Variants in XPO6 observed in about 807,000 individuals in gnomAD.
The protein encoded by XPO6 is exportin 6.
In XPO6, 3 loss-of-function variants were observed where a neutral mutation model predicts 130.0. The ratio of observed to expected loss-of-function variants is 0.02; its 90% CI spans 0.01 to 0.06. The LOEUF (loss-of-function observed/expected upper bound fraction) is 0.06. XPO6 is among the 10% of genes least tolerant of loss of function. XPO6 has a pLI of 1.00. For synonymous variants in XPO6, 524 were observed against 548.9 expected (o/e 0.95, Z 0.63); for missense variants, 970 against 1,393.0 (o/e 0.70, Z 4.83).
intron 21 of XPO6, among the ~76,000 whole-genome samples, chr16:28,103,647 C>CAGACTTCCAGGCA (rs1300471274): frequency 2.0e-5 from 3 of 152,158 alleles, no homozygotes; most frequent in Non-Finnish European, 4.4e-5. Flanking sequence ...CAGGCAAGGA[C>CAGACTTCCAGGCA]AGGGTTCAAG....
At position 28,104,725 on chromosome 16, in the gene XPO6, C is replaced by T. The variant is rs372428848; in HGVS notation, c.2785-18G>A. 3.7e-5 allele frequency: 60 copies of T among 1,612,886 alleles called. No individual in the cohort carries two copies. The highest frequency in any genetic ancestry group is 5.3e-5 in the African/African-American group (4 of 74,946). ...GAGGGACGCTGCAAAGACACACAGA[C>T]GCTCAGACCTGCAGCTTGCGGAGCT... On this transcript the variant is annotated intron_variant, in intron 20 of 23. Coordinates refer to ENST00000304658, the MANE Select transcript of XPO6 (RefSeq NM_015171.4).
intron 20 of XPO6, 71 bp downstream of exon 20, chr16:28,105,972 T>C: frequency 1.9e-6 from 3 of 1,564,576 alleles, no homozygotes; most frequent in Admixed American, 1.9e-5. Context: ...CAATACATTT[T>C]CTGTGAAATC....
At position 28,133,948 on chromosome 16, in the gene XPO6, CAGG is replaced by C; in HGVS notation, c.1444-18_1444-16del. ...TCCGTCTGCTGCTGTAGGGGAAGCA[CAGG>C]AGAATCAGCTCTCCCAGAATCCTCT... On this transcript the variant is annotated splice_polypyrimidine_tract_variant and intron_variant, in intron 10 of 23. Coordinates refer to ENST00000304658, the MANE Select transcript of XPO6 (RefSeq NM_015171.4). 3.1e-6 allele frequency: 5 copies of C among 1,613,334 alleles called. No homozygotes were observed. The highest frequency in any genetic ancestry group is 4.2e-6 in the Non-Finnish European group (5 of 1,179,606).
At chr16:28,135,127 G>T in intron 10 of XPO6, 89 bp downstream of exon 10, 2 of 1,055,924 alleles carry the variant, frequency 1.9e-6, no homozygotes, top group Non-Finnish European at 2.8e-6. Flanking sequence ...AACAGTCTTC[G>T]GAGCAGAGGG....
chr16:28,120,189 C>A (rs188192), intron 14 of XPO6, among the ~76,000 whole-genome samples: 44,665 of 150,448 alleles, frequency 0.3, 6,782 homozygotes, highest in African/African-American at 0.36. Context: ...TAATAATAAT[C>A]ATCATCATCA....
At chr16:28,109,388 C>T (rs1407662594) in intron 17 of XPO6, among the ~76,000 whole-genome samples, 3 of 151,190 alleles carry the variant, frequency 2.0e-5, no homozygotes, top group African/African-American at 7.3e-5. Flanking sequence ...AGACCCAAGT[C>T]CAACTCTTGA....
intron 21 of XPO6, among the ~76,000 whole-genome samples, 198 bp from the exon 22 acceptor site, chr16:28,102,143 G>A (rs1271043384): frequency 6.6e-6 from 1 of 152,024 alleles, no homozygotes; most frequent in Non-Finnish European, 1.5e-5. Flanking sequence ...TCTTATTATG[G>A]TCTCATATAT....
At chr16:28,209,771 T>C (rs2141923337) in intron 1 of XPO6, among the ~76,000 whole-genome samples, 1 of 152,282 alleles carries the variant, frequency 6.6e-6, no homozygotes, top group African/African-American at 2.4e-5. Flanking sequence ...TCCCCAAATT[T>C]CATAGTTGAG....
intron 6 of XPO6, among the ~76,000 whole-genome samples, chr16:28,158,354 CA>C (rs2141829977): frequency 6.6e-6 from 1 of 152,320 alleles, no homozygotes; most frequent in South Asian, 2.1e-4. Flanking sequence ...GGCTACATCA[CA>C]TGGGATATTG....
chr16:28,108,855 C>A (rs28491452), intron 17 of XPO6, among the ~76,000 whole-genome samples: 151,729 of 152,342 alleles, frequency 1, 75,567 homozygotes, highest in Middle Eastern at 1. Flanking sequence ...CTCATCTGAA[C>A]ACGTGGATAG....
rs116909884 is a variant in XPO6 at position 28,184,819 on chromosome 16, C to T, written c.4-3788G>A. 7.7e-3 allele frequency among the ~76,000 whole-genome samples: 1,174 copies of T among 152,306 alleles called. 11 individuals are homozygous for T. The highest frequency in any genetic ancestry group is 0.013 in the Non-Finnish European group (856 of 68,032). ...TGATGAGGAGGCTGAGCAACCAGCA[C>T]ATGCATGTACTGCTGGTGGGAGTAT... On this transcript the variant is annotated intron_variant, in intron 1 of 23. Transcript: ENST00000304658.
At chr16:28,144,337 A>G (rs1454777151) in intron 9 of XPO6, among the ~76,000 whole-genome samples, 3 of 152,198 alleles carry the variant, frequency 2.0e-5, no homozygotes, top group Admixed American at 6.5e-5. Flanking sequence ...AAAATTCTCA[A>G]CAGAATATTT....
At chr16:28,114,111 G>C (rs1596799502) in intron 15 of XPO6, among the ~76,000 whole-genome samples, 1 of 146,460 alleles carries the variant, frequency 6.8e-6, no homozygotes, top group African/African-American at 2.5e-5. Context: ...CCACTTCCAG[G>C]AATCTATCCT....
In XPO6 at chr16:28,117,723, T is replaced by A. The variant is rs531372912; in HGVS notation, c.1860-261A>T. On this transcript the variant is annotated intron_variant, in intron 14 of 23. Coordinates refer to ENST00000304658, the MANE Select transcript of XPO6 (RefSeq NM_015171.4). Reference sequence around the variant, plus strand: ...TCTTATTCAATCTTTCTGTGACACATGCTCACCTAAGAGAAAGGTAAATTA... The same window carrying A: ...TCTTATTCAATCTTTCTGTGACACAAGCTCACCTAAGAGAAAGGTAAATTA... Among the ~76,000 whole-genome samples the A allele has an allele frequency of 3.3e-5, 5 of 152,360 alleles. No individual in the cohort carries two copies. In the South Asian group the frequency reaches 1.0e-3, roughly 32 times the overall value.
chr16:28,204,504 G>T (rs1052536815), intron 1 of XPO6, among the ~76,000 whole-genome samples: 1 of 152,040 alleles, frequency 6.6e-6, no homozygotes. Context: ...GAAGACCGAG[G>T]GAGCTGCAGC....
chr16:28,189,529 C>G (rs2043752305), intron 1 of XPO6, among the ~76,000 whole-genome samples: 1 of 151,942 alleles, frequency 6.6e-6, no homozygotes. Flanking sequence ...GAGGGAAGAC[C>G]GAGGTACAAA....
chr16:28,206,091 T>TG (rs1463800744), intron 1 of XPO6, among the ~76,000 whole-genome samples: 1 of 134,706 alleles, frequency 7.4e-6, no homozygotes, highest in Non-Finnish European at 1.6e-5. Flanking sequence ...GGACAGTAAA[T>TG]GGGTTCATAG....
At position 28,101,520 on chromosome 16, in the gene XPO6, TG is replaced by T; in HGVS notation, c.3213del (p.Ser1072AlafsTer52). 6.2e-7 allele frequency: 1 copy of T among 1,614,198 alleles called. No individual in the cohort carries two copies. Among genetic ancestry groups the T allele is most frequent in the Non-Finnish European group, 8.5e-7 (1 of 1,180,028 alleles). ...FFAAFLPEFLTSCDGVDANQK... is the reference protein window; with the variant it reads ...FFAAFLPEFLXSCDGVDANQK... The stretch of plus-strand genomic sequence containing the variant: ...TGGTTGGCATCCACACCATCACAGC[TG>T]GTCAGGAACTCTGGGAGGAAGGCGG... On this transcript the variant is annotated frameshift_variant, in exon 23 of 24. Transcript: ENST00000304658. LOFTEE classifies it high-confidence loss of function. The surrounding 1 kb of genome is among the most constrained non-coding windows in gnomAD (Gnocchi z 5.4).
intron 12 of XPO6, among the ~76,000 whole-genome samples, chr16:28,127,494 C>T (rs1299201923): frequency 2.0e-5 from 3 of 152,146 alleles, no homozygotes; most frequent in Non-Finnish European, 4.4e-5. Context: ...GATTTAGATG[C>T]AACAGAACAG....
Sources: allele counts gnomAD v4.1 joint callset (sites outside exome capture counted in the v4.1 genomes callset), GRCh38; gene constraint gnomAD v4.1.1; non-coding constraint Gnocchi (gnomAD v3.1); transcripts MANE v1.5; gene names NCBI Gene and HGNC (gene_info 2026-07-23, HGNC 2026-07-21).